Variants in STXBP4 observed in about 807,000 individuals in gnomAD.
The protein encoded by STXBP4 is syntaxin binding protein 4, also known as syntaxin-binding protein 4.
A neutral mutation model predicts 76.1 loss-of-function variants in STXBP4; 55 were observed. The ratio of observed to expected loss-of-function variants is 0.72; its 90% CI spans 0.58 to 0.91. The LOEUF (loss-of-function observed/expected upper bound fraction) is 0.91, where lower values mean the gene tolerates loss of function less well. STXBP4 is among the 40% of genes least tolerant of loss of function. The probability of loss-of-function intolerance (pLI) is 0.00; values close to 1 mark genes in which losing one functional copy is unlikely to be tolerated. For synonymous variants in STXBP4, 201 were observed against 220.2 expected (o/e 0.91, Z 0.77); for missense variants, 618 against 636.9 (o/e 0.97, Z 0.32).
chr17:55,127,472 T>C (rs1006050381), intron 16 of STXBP4, among the ~76,000 whole-genome samples: 1 of 152,210 alleles, frequency 6.6e-6, no homozygotes, highest in Non-Finnish European at 1.5e-5. Flanking sequence ...AAAACATGGA[T>C]TGACATATGT....
rs754836904 is a variant in STXBP4 at position 55,078,095 on chromosome 17, A to T, written c.1206A>T (p.Leu402Phe). 6.2e-6 allele frequency: 10 copies of T among 1,609,398 alleles called. No homozygotes were observed. The highest frequency in any genetic ancestry group is 8.5e-6 in the Non-Finnish European group (10 of 1,177,810). Residue 402 changes from leucine (L) to phenylalanine (F), a missense_variant, in exon 14 of 18, where the codon TTA becomes TTT. Transcript: ENST00000376352. ...CTGTGCAGGAAAGTGTTCAGGATTT[A>T]AAAAAGAGAATCATGGTACTCGACT... The part of the protein sequence containing the change: ...SDQNKESVQD[L>F]KKRIMVLDCQ...
At chr17:55,094,165 GAAAA>G (rs34886189) in intron 16 of STXBP4, among the ~76,000 whole-genome samples, 2 of 108,246 alleles carry the variant, frequency 1.8e-5, no homozygotes, top group South Asian at 3.3e-4. Flanking sequence ...TGAGGGACAG[GAAAA>G]AAAAAAAAAA....
downstream of STXBP4, among the ~76,000 whole-genome samples, chr17:55,175,410 T>C (rs1214790277): frequency 6.6e-6 from 1 of 152,230 alleles, no homozygotes; most frequent in East Asian, 1.9e-4. Context: ...TGGAGCTGTC[T>C]TGAGAATTAA....
intron 16 of STXBP4, among the ~76,000 whole-genome samples, chr17:55,085,685 C>G (rs1246020314): frequency 7.2e-5 from 11 of 152,000 alleles, no homozygotes; most frequent in African/African-American, 2.7e-4. Flanking sequence ...CAGTACAGTT[C>G]TGGGTAATAG....
intron 9 of STXBP4, among the ~76,000 whole-genome samples, chr17:55,031,886 CA>C (rs1378437491): frequency 6.6e-6 from 1 of 152,072 alleles, no homozygotes; most frequent in East Asian, 1.9e-4. Context: ...CTATGTTGTT[CA>C]GGGGTCAACT....
chr17:55,001,693 A>G (rs995155006), intron 7 of STXBP4, among the ~76,000 whole-genome samples: 1 of 152,018 alleles, frequency 6.6e-6, no homozygotes, highest in Admixed American at 6.5e-5. Context: ...TTTTTTTGAG[A>G]TGGATTCTTG....
intron 7 of STXBP4, among the ~76,000 whole-genome samples, chr17:55,002,728 A>G (rs1374047005): frequency 6.6e-6 from 1 of 152,250 alleles, no homozygotes; most frequent in African/African-American, 2.4e-5. Context: ...CTCTGAATAC[A>G]GACTCAGTGT....
At chr17:54,995,358 T>C (rs929108126) in intron 4 of STXBP4, among the ~76,000 whole-genome samples, 1 of 152,208 alleles carries the variant, frequency 6.6e-6, no homozygotes, top group Non-Finnish European at 1.5e-5. Context: ...CTTTTGTTGC[T>C]GGTAACATAG....
chr17:55,183,101 A>G, the STXBP4 span, among the ~76,000 whole-genome samples: 1 of 152,264 alleles, frequency 6.6e-6, no homozygotes, highest in African/African-American at 2.4e-5. Context: ...ATTGATAGGC[A>G]GCAACAATAG....
chr17:55,207,112 C>G, the STXBP4 span, among the ~76,000 whole-genome samples: 27 of 152,254 alleles, frequency 1.8e-4, no homozygotes, highest in African/African-American at 5.1e-4. Flanking sequence ...CTCTTTGGAG[C>G]AGATTTCTGT....
the STXBP4 span, among the ~76,000 whole-genome samples, chr17:55,212,805 A>C: frequency 6.6e-6 from 1 of 151,268 alleles, no homozygotes; most frequent in South Asian, 2.1e-4. Flanking sequence ...CCTCTTGAGC[A>C]TCTATCAGGA....
At chr17:55,197,729 T>C in the STXBP4 span, among the ~76,000 whole-genome samples, 4 of 145,110 alleles carry the variant, frequency 2.8e-5, no homozygotes, top group East Asian at 8.1e-4. Context: ...GGTGACAGAG[T>C]GAGACTCAGT....
intron 8 of STXBP4, among the ~76,000 whole-genome samples, chr17:55,026,337 T>G (rs545199967): frequency 1.3e-5 from 2 of 151,666 alleles, no homozygotes; most frequent in Admixed American, 6.6e-5. Context: ...AAGAAAAAAG[T>G]TTTTTTTTCC....
intron 16 of STXBP4, among the ~76,000 whole-genome samples, chr17:55,117,021 G>C (rs1303464231): frequency 6.6e-6 from 1 of 151,674 alleles, no homozygotes; most frequent in African/African-American, 2.4e-5. Flanking sequence ...CTTTCTAGAA[G>C]GAAATTTCTC....
At chr17:55,211,552 C>T in the STXBP4 span, among the ~76,000 whole-genome samples, 1 of 152,070 alleles carries the variant, frequency 6.6e-6, no homozygotes, top group Non-Finnish European at 1.5e-5. Flanking sequence ...CATTCTGTTC[C>T]ACTTATTTCC....
intron 12 of STXBP4, among the ~76,000 whole-genome samples, chr17:55,057,720 C>T (rs1405142243): frequency 6.6e-6 from 1 of 152,128 alleles, no homozygotes; most frequent in Non-Finnish European, 1.5e-5. Context: ...CACCGCCCGA[C>T]AGGCCCCAGT....
chr17:55,193,959 G>A, the STXBP4 span, among the ~76,000 whole-genome samples: 1 of 152,048 alleles, frequency 6.6e-6, no homozygotes, highest in Non-Finnish European at 1.5e-5. Flanking sequence ...AGAAATCTAG[G>A]CATGAGCAAC....
chr17:55,082,626 C>CA (rs1157011274), intron 16 of STXBP4, among the ~76,000 whole-genome samples: 1 of 151,876 alleles, frequency 6.6e-6, no homozygotes, highest in Non-Finnish European at 1.5e-5. Flanking sequence ...CACTAAATGC[C>CA]AAAAATATCC....
intron 16 of STXBP4, among the ~76,000 whole-genome samples, chr17:55,083,407 AACAT>A (rs1392101232): frequency 1.3e-5 from 2 of 152,192 alleles, no homozygotes; most frequent in Non-Finnish European, 2.9e-5. Context: ...TAGCACAAAA[AACAT>A]ACTCGGGAAT....
Sources: gnomAD v4.1 joint callset for allele counts (sites outside exome capture counted in the v4.1 genomes callset) on GRCh38, gnomAD v4.1.1 for gene constraint, MANE v1.5 for transcripts, NCBI Gene and HGNC (gene_info 2026-07-23, HGNC 2026-07-21) for gene names.